MACROD2: variants seen among roughly 807,000 people sequenced by gnomAD.
MACROD2 encodes the protein ADP-ribose glycohydrolase MACROD2.
A neutral mutation model predicts 70.4 loss-of-function variants in MACROD2; 36 were observed. The observed-to-expected ratio is 0.51, with a 90% CI of 0.39 to 0.68. The LOEUF is 0.68. Ranked by LOEUF, MACROD2 falls within the 30% of genes least tolerant of loss-of-function variation. The pLI, the probability that MACROD2 is intolerant of heterozygous loss-of-function variation, is 0.00. For synonymous variants in MACROD2, 172 were observed against 178.8 expected (o/e 0.96, Z 0.30); for missense variants, 496 against 538.4 (o/e 0.92, Z 0.78).
chr20:15,400,597 A>G (rs2045915846), intron 6 of MACROD2, among the ~76,000 whole-genome samples: 1 of 152,146 alleles, frequency 6.6e-6, no homozygotes, highest in South Asian at 2.1e-4. Context: ...TTAGGATAAA[A>G]ACAGGAATAA....
intron 3 of MACROD2, among the ~76,000 whole-genome samples, chr20:14,342,205 T>C (rs2083020663): frequency 6.6e-6 from 1 of 152,176 alleles, no homozygotes; most frequent in Non-Finnish European, 1.5e-5. Context: ...GGACAGGGCA[T>C]GATCCAAAGG....
At chr20:14,152,227 A>AT (rs2055034201) in intron 3 of MACROD2, among the ~76,000 whole-genome samples, 1 of 152,170 alleles carries the variant, frequency 6.6e-6, no homozygotes, top group African/African-American at 2.4e-5. Flanking sequence ...AATAAAAAAT[A>AT]TTTTTAAAGA....
intron 4 of MACROD2, among the ~76,000 whole-genome samples, chr20:14,596,862 G>C (rs1430659790): frequency 6.6e-6 from 1 of 152,112 alleles, no homozygotes; most frequent in Non-Finnish European, 1.5e-5. Flanking sequence ...CATGGGGTTT[G>C]TAATCTGTAA....
At chr20:15,210,552 G>GTTTTTTTTTTTTTTTTTGT (rs2076753968) in intron 5 of MACROD2, among the ~76,000 whole-genome samples, 1 of 121,652 alleles carries the variant, frequency 8.2e-6, no homozygotes, top group Non-Finnish European at 1.7e-5. Context: ...CTTTTCTTCT[G>GTTTTTTTTTTTTTTTTTGT]TTTTTTTTTT....
At chr20:14,233,778 A>G (rs1458450839) in intron 3 of MACROD2, among the ~76,000 whole-genome samples, 1 of 151,816 alleles carries the variant, frequency 6.6e-6, no homozygotes, top group Non-Finnish European at 1.5e-5. Context: ...TTAAATGCCT[A>G]TTACTAAGTG....
At chr20:15,851,034 G>A (rs779850094) in intron 8 of MACROD2, among the ~76,000 whole-genome samples, 11 of 152,036 alleles carry the variant, frequency 7.2e-5, no homozygotes, top group South Asian at 6.2e-4. Context: ...CACTCAGAAC[G>A]TTGGAAATGA....
chr20:14,304,279 T>C (rs1046860128), intron 3 of MACROD2, among the ~76,000 whole-genome samples: 13 of 152,310 alleles, frequency 8.5e-5, no homozygotes, highest in Admixed American at 7.8e-4. Flanking sequence ...ATTCCAAACG[T>C]GTTCTGCCCA....
At chr20:14,273,044 G>C (rs1300499614) in intron 3 of MACROD2, among the ~76,000 whole-genome samples, 1 of 151,694 alleles carries the variant, frequency 6.6e-6, no homozygotes, top group Admixed American at 6.6e-5. Context: ...CAATAATAAT[G>C]GGAGACTTTA....
At chr20:15,223,257 G>C (rs1034485992) in intron 5 of MACROD2, among the ~76,000 whole-genome samples, 1 of 152,178 alleles carries the variant, frequency 6.6e-6, no homozygotes, top group Non-Finnish European at 1.5e-5. Context: ...TGTACAAATC[G>C]CATTGCTGTT....
At chr20:14,675,625 A>G (rs975529569) in intron 4 of MACROD2, among the ~76,000 whole-genome samples, 2 of 152,154 alleles carry the variant, frequency 1.3e-5, no homozygotes, top group Non-Finnish European at 2.9e-5. Flanking sequence ...GACCATCAAC[A>G]CTATGAAGAA....
chr20:14,881,528 G>T (rs530936782), intron 5 of MACROD2, among the ~76,000 whole-genome samples: 8 of 151,846 alleles, frequency 5.3e-5, no homozygotes, highest in Non-Finnish European at 1.0e-4. Context: ...CCCTAGCCTG[G>T]CACCCCACAC....
chr20:15,298,417 C>T (rs948247799), intron 6 of MACROD2, among the ~76,000 whole-genome samples: 30 of 152,084 alleles, frequency 2.0e-4, no homozygotes, highest in African/African-American at 6.5e-4. Context: ...GAAACAGTGG[C>T]ATGGGGATGG....
chr20:14,702,549 GTGTGTATATATATATACACATATA>G (rs1568747125), intron 5 of MACROD2, among the ~76,000 whole-genome samples: 3 of 136,040 alleles, frequency 2.2e-5, no homozygotes, highest in African/African-American at 2.7e-5. Context: ...ATATGTGTGT[GTGTGTATATATATATACACATATA>G]TGTGTATATA....
chr20:15,835,067 T>C (rs1428569628), intron 8 of MACROD2, among the ~76,000 whole-genome samples: 1 of 152,178 alleles, frequency 6.6e-6, no homozygotes, highest in East Asian at 1.9e-4. Context: ...CAATCTCAAT[T>C]GGAGAGGATC....
At chr20:14,742,495 A>G (rs575781097) in intron 5 of MACROD2, among the ~76,000 whole-genome samples, 1 of 152,196 alleles carries the variant, frequency 6.6e-6, no homozygotes, top group East Asian at 1.9e-4. Context: ...AGAGAAAGAC[A>G]GAGAATAGTA....
In MACROD2 at chr20:16,051,471, A is replaced by G. The variant is rs2067457563; in HGVS notation, c.*1595A>G. 6.6e-6 allele frequency: 1 copy of G among 152,144 alleles called. No individual in the cohort carries two copies. The highest frequency in any genetic ancestry group is 1.5e-5 in the Non-Finnish European group (1 of 68,014). 9.4% of individuals were successfully genotyped at this position (152,144 alleles called of 1,614,324 possible). On this transcript the variant is annotated 3_prime_UTR_variant, in exon 18 of 18. Transcript: ENST00000684519. ...TAGTTAACAAGCTATACTTCAGCAT[A>G]TGCACTATATTCTAACAAATTTTTT...
At chr20:15,354,338 CG>C (rs1288720970) in intron 6 of MACROD2, among the ~76,000 whole-genome samples, 1 of 151,560 alleles carries the variant, frequency 6.6e-6, no homozygotes, top group Non-Finnish European at 1.5e-5. Context: ...CATCACACAC[CG>C]GGGCCTGTTG....
At chr20:15,060,073 T>C (rs1214204711) in intron 5 of MACROD2, among the ~76,000 whole-genome samples, 2 of 152,198 alleles carry the variant, frequency 1.3e-5, no homozygotes, top group Non-Finnish European at 1.5e-5. Context: ...AACACATGCA[T>C]ATACAAAATG....
rs2049492630 is a variant in MACROD2, at chr20:15,643,435, CA to C, written c.645+143589del. Among the ~76,000 whole-genome samples the C allele has an allele frequency of 3.9e-5, 6 of 152,350 alleles. No homozygotes were observed. The South Asian group carries it at 1.2e-3, about 32-fold the overall frequency. On this transcript the variant is annotated intron_variant, in intron 8 of 17. Coordinates refer to ENST00000684519, the MANE Select transcript of MACROD2 (RefSeq NM_001351661.2). The stretch of plus-strand genomic sequence containing the variant: ...TTGACCACTATAATGTCCTCTCCTT[CA>C]TTCTACTTTCAACAGCATAACCCCA...
Sources: gnomAD v4.1 joint callset for allele counts (sites outside exome capture counted in the v4.1 genomes callset) on GRCh38, gnomAD v4.1.1 for gene constraint, MANE v1.5 for transcripts, NCBI Gene and HGNC (gene_info 2026-07-23, HGNC 2026-07-21) for gene names.